Variants in VWA8 observed in about 807,000 individuals in gnomAD.
VWA8 encodes the protein von Willebrand factor A domain-containing protein 8.
In VWA8, 221 loss-of-function variants were observed where a neutral mutation model predicts 241.5. The observed-to-expected ratio is 0.91, with a 90% CI of 0.82 to 1.02. VWA8 has a LOEUF of 1.02. Among genes scored for constraint, VWA8 ranks in the 50% least tolerant of loss-of-function variants. The probability of loss-of-function intolerance (pLI) is 0.00; values close to 1 mark genes in which losing one functional copy is unlikely to be tolerated. For missense variants in VWA8, 2,322 were observed against 2,328.7 expected, an observed-to-expected ratio of 1.00 and a Z score of 0.06; for synonymous variants, 852 against 827.1, an observed-to-expected ratio of 1.03 and a Z score of -0.52.
rs576550666 is a variant in VWA8 at position 41,652,070 on chromosome 13, A to G, written c.4611+18876T>C. Among the ~76,000 whole-genome samples, 7 of 152,316 alleles carry G rather than the reference A, an allele frequency of 4.6e-5. No homozygotes were observed. The East Asian group carries it at 1.3e-3, about 29-fold the overall frequency. On this transcript the variant is annotated intron_variant, in intron 37 of 44. Transcript: ENST00000379310. ...GAGGATAAGGCCAAATTGGGGCCAGATTCTCACATGGCAACAGCTAGGTAG... is the reference window on the plus strand; with the variant it reads ...GAGGATAAGGCCAAATTGGGGCCAGGTTCTCACATGGCAACAGCTAGGTAG...
intron 26 of VWA8, among the ~76,000 whole-genome samples, chr13:41,709,121 A>G (rs1461702499): frequency 6.6e-6 from 1 of 152,230 alleles, no homozygotes; most frequent in Non-Finnish European, 1.5e-5. Context: ...ATTTCTCACA[A>G]GGACTCACGG....
At chr13:41,893,608 G>A (rs1024873167) in intron 4 of VWA8, among the ~76,000 whole-genome samples, 1 of 152,118 alleles carries the variant, frequency 6.6e-6, no homozygotes, top group African/African-American at 2.4e-5. Context: ...AATATTGGCC[G>A]GGCTCAGTGG....
chr13:41,755,900 T>C (rs143684018), intron 21 of VWA8, among the ~76,000 whole-genome samples: 2,797 of 151,848 alleles, frequency 0.018, 43 homozygotes, highest in Non-Finnish European at 0.03. Flanking sequence ...ATTTAGGCAT[T>C]CACATCAAAA....
At chr13:41,618,990 G>GT (rs1265391429) in intron 37 of VWA8, among the ~76,000 whole-genome samples, 9 of 152,204 alleles carry the variant, frequency 5.9e-5, no homozygotes, top group Non-Finnish European at 1.2e-4. Flanking sequence ...CTTTAAAGTA[G>GT]TTTTTTCCAA....
chr13:41,950,366 TC>T (rs1460776239), intron 1 of VWA8, among the ~76,000 whole-genome samples: 6 of 129,854 alleles, frequency 4.6e-5, no homozygotes, highest in Non-Finnish European at 8.2e-5. Context: ...TAGAGTAAAA[TC>T]TTTTTTTTTT....
intron 37 of VWA8, among the ~76,000 whole-genome samples, chr13:41,653,897 C>G (rs2044884657): frequency 6.6e-6 from 1 of 152,164 alleles, no homozygotes; most frequent in Admixed American, 6.5e-5. Context: ...TTACTACATA[C>G]AGAAATAAAC....
chr13:41,931,985 A>G (rs1877147616), intron 2 of VWA8, among the ~76,000 whole-genome samples: 1 of 152,174 alleles, frequency 6.6e-6, no homozygotes, highest in Admixed American at 6.5e-5. Context: ...GCAATAGAAA[A>G]CAAAAACACA....
intron 21 of VWA8, among the ~76,000 whole-genome samples, chr13:41,741,486 C>G (rs1380520843): frequency 6.6e-6 from 1 of 152,184 alleles, no homozygotes. Flanking sequence ...GTTATCCTCC[C>G]AGCTGAACTA....
chr13:41,662,182 G>A (rs9566817), intron 37 of VWA8, among the ~76,000 whole-genome samples: 8,331 of 152,110 alleles, frequency 0.055, 267 homozygotes, highest in East Asian at 0.12. Context: ...ACAAAATCCT[G>A]CAGAGATTGA....
chr13:41,758,421 T>TATGGA (rs1566444770), intron 21 of VWA8, among the ~76,000 whole-genome samples: 1 of 64,308 alleles, frequency 1.6e-5, no homozygotes, highest in Non-Finnish European at 3.6e-5. Context: ...TATATATATA[T>TATGGA]ATATATATAC....
At chr13:41,814,077 G>A (rs940352602) in intron 16 of VWA8, among the ~76,000 whole-genome samples, 4 of 152,058 alleles carry the variant, frequency 2.6e-5, no homozygotes, top group African/African-American at 9.7e-5. Flanking sequence ...GAATGAAAAT[G>A]TAGCATGTTC....
intron 40 of VWA8, 111 bp downstream of exon 40, chr13:41,605,057 G>A: frequency 2.1e-6 from 2 of 959,352 alleles, no homozygotes. Context: ...TTCACACTGA[G>A]ACATTTTTTC....
chr13:41,600,138 A>G (rs1437117677), intron 40 of VWA8, among the ~76,000 whole-genome samples: 2 of 152,160 alleles, frequency 1.3e-5, no homozygotes, highest in African/African-American at 4.8e-5. Flanking sequence ...AGGCGTCCCA[A>G]CAAAGTATAT....
intron 43 of VWA8, among the ~76,000 whole-genome samples, chr13:41,571,538 C>T (rs1180499353): frequency 2.0e-5 from 3 of 152,158 alleles, no homozygotes; most frequent in South Asian, 2.1e-4. Flanking sequence ...TTGGTGGAGA[C>T]GGGGTTTCGC....
chr13:41,736,685 A>C (rs2137871828), intron 21 of VWA8, among the ~76,000 whole-genome samples: 1 of 152,224 alleles, frequency 6.6e-6, no homozygotes, highest in South Asian at 2.1e-4. Context: ...AGAGTTTCAT[A>C]AGAGCTGATG....
At position 41,671,280 on chromosome 13, in the gene VWA8, C is replaced by T. The variant is rs187938483; in HGVS notation, c.4410-133G>A. The T allele has an allele frequency of 3.1e-6, 3 of 965,840 alleles. No homozygotes were observed. In the African/African-American group the frequency reaches 4.9e-5, roughly 16 times the overall value. The allele number at this position is 965,840 out of a possible 1,614,324, so 59.8% of individuals were successfully genotyped here. A position where few individuals can be genotyped will look rare whatever the true frequency, so the allele number is the denominator to read the frequency against. On this transcript the variant is annotated intron_variant, in intron 36 of 44. Coordinates refer to ENST00000379310, the MANE Select transcript of VWA8 (RefSeq NM_015058.2). ...CTCATTATTTTATACCTGCTCTTAC[C>T]TCTGTCACCACATAGGCAGGTTATG...
chr13:41,757,304 T>G (rs750982057), intron 21 of VWA8, among the ~76,000 whole-genome samples: 36 of 151,764 alleles, frequency 2.4e-4, no homozygotes, highest in Non-Finnish European at 4.4e-4. Context: ...TACTTAAAAA[T>G]TTTTTGAGTT....
chr13:41,846,030 A>C (rs943605639), intron 12 of VWA8, among the ~76,000 whole-genome samples: 1 of 151,770 alleles, frequency 6.6e-6, no homozygotes, highest in Non-Finnish European at 1.5e-5. Flanking sequence ...TATTTGCCTC[A>C]TAATAAGCTT....
rs759462330 is a variant in VWA8 at position 41,865,821 on chromosome 13, T to C, written c.1348-8A>G. 4.3e-6 allele frequency: 7 copies of C among 1,613,904 alleles called. No homozygotes were observed. In the African/African-American group the frequency reaches 6.7e-5, roughly 15 times the overall value. On this transcript the variant is annotated splice_region_variant and splice_polypyrimidine_tract_variant and intron_variant, in intron 11 of 44. Transcript: ENST00000379310. The stretch of plus-strand genomic sequence containing the variant: ...CACTGTTTTTCCACAACCCTACAAA[T>C]GGAAAAAATTATTCAAGAGGTAAGT...
Sources: allele counts gnomAD v4.1 joint callset (sites outside exome capture counted in the v4.1 genomes callset), GRCh38; gene constraint gnomAD v4.1.1; transcripts MANE v1.5; gene names NCBI Gene and HGNC (gene_info 2026-07-23, HGNC 2026-07-21).